TBC1D14: variants seen among roughly 807,000 people sequenced by gnomAD.
TBC1D14 encodes TBC1 domain family, member 14.
In TBC1D14, 26 loss-of-function variants were observed where a neutral mutation model predicts 79.0. The ratio of observed to expected loss-of-function variants is 0.33; its 90% CI spans 0.24 to 0.46. The LOEUF is 0.46. TBC1D14 is among the 20% of genes least tolerant of loss of function. The pLI is 1.00. For synonymous variants in TBC1D14, 394 were observed against 349.9 expected, an observed-to-expected ratio of 1.13 and a Z score of -1.40; for missense variants, 769 against 887.6, an observed-to-expected ratio of 0.87 and a Z score of 1.70.
chr4:6,940,546 C>T (rs906549086), intron 2 of TBC1D14, among the ~76,000 whole-genome samples: 1 of 152,054 alleles, frequency 6.6e-6, no homozygotes. Context: ...GGTTGAGGTT[C>T]TTGCCTGAGG....
chr4:7,021,240 C>T (rs576184890), intron 12 of TBC1D14, among the ~76,000 whole-genome samples: 9 of 152,334 alleles, frequency 5.9e-5, no homozygotes, highest in South Asian at 4.1e-4. Flanking sequence ...GAAACAGATA[C>T]GCAGCTTTTG....
At chr4:7,020,277 A>G (rs986959084) in intron 12 of TBC1D14, among the ~76,000 whole-genome samples, 5 of 152,216 alleles carry the variant, frequency 3.3e-5, no homozygotes, top group Non-Finnish European at 1.5e-5. Context: ...GGGTTTAACT[A>G]AGTTTGAACT....
intron 12 of TBC1D14, among the ~76,000 whole-genome samples, chr4:7,015,493 C>T (rs1721191139): frequency 6.6e-6 from 1 of 152,116 alleles, no homozygotes; most frequent in African/African-American, 2.4e-5. Context: ...CATGTGAGTA[C>T]AGGCATCCTG....
chr4:6,919,152 C>CA (rs1560240720), intron 1 of TBC1D14, among the ~76,000 whole-genome samples: 1 of 145,636 alleles, frequency 6.9e-6, no homozygotes, highest in African/African-American at 2.5e-5. Context: ...GTAATTTCAC[C>CA]TTTTTTTTTT....
chr4:6,932,287 C>T (rs929657405), intron 2 of TBC1D14, among the ~76,000 whole-genome samples: 3 of 151,020 alleles, frequency 2.0e-5, no homozygotes, highest in Non-Finnish European at 2.9e-5. Context: ...TTGAACCATT[C>T]GGGCTTGAAC....
At chr4:6,988,885 CTTTTT>C (rs34268749) in intron 3 of TBC1D14, among the ~76,000 whole-genome samples, 33 of 76,818 alleles carry the variant, frequency 4.3e-4, no homozygotes, top group Admixed American at 1.3e-3. Context: ...TTCTTTCTTT[CTTTTT>C]TTTTTTTTTT....
Position 7,001,150 on chromosome 4 carries a change from G to A in TBC1D14, c.1169G>A (p.Cys390Tyr). 6 of 1,614,016 alleles carry A rather than the reference G, an allele frequency of 3.7e-6. No individual in the cohort carries two copies. The highest frequency in any genetic ancestry group is 5.1e-6 in the Non-Finnish European group (6 of 1,179,914). Reference sequence around the variant, plus strand: ...CTGCTTCTGTTTTTGTCCAGGTGGTGCTCTAGAAAAGTTCGAGATTTATGG... The same window carrying A: ...CTGCTTCTGTTTTTGTCCAGGTGGTACTCTAGAAAAGTTCGAGATTTATGG... ...EILPNWETMWCSRKVRDLWWQ... is the reference protein window; with the variant it reads ...EILPNWETMWYSRKVRDLWWQ... The change falls in exon 7 of 14, where the codon TGC becomes TAC. Residue 390 changes from cysteine (C) to tyrosine (Y), a missense_variant. Physicochemically the swap from Cys to Tyr is radical, Grantham distance 194. This residue lies in a region of TBC1D14 where 367 missense variants were observed against 494.4 expected (regional missense o/e 0.74). Coordinates refer to ENST00000409757, the MANE Select transcript of TBC1D14 (RefSeq NM_020773.3).
chr4:6,926,465 T>C (rs1363413479), intron 2 of TBC1D14, among the ~76,000 whole-genome samples: 1 of 152,250 alleles, frequency 6.6e-6, no homozygotes, highest in Non-Finnish European at 1.5e-5. Context: ...CTCAGCTTTG[T>C]GCTGCAGGAA....
At chr4:6,993,697 G>T (rs974451609) in intron 3 of TBC1D14, among the ~76,000 whole-genome samples, 2 of 152,186 alleles carry the variant, frequency 1.3e-5, no homozygotes, top group African/African-American at 4.8e-5. Flanking sequence ...TAAAGCAATG[G>T]TCTCAGCTTT....
chr4:7,024,747 A>G (rs911219337), intron 12 of TBC1D14, among the ~76,000 whole-genome samples: 6 of 152,174 alleles, frequency 3.9e-5, no homozygotes, highest in Non-Finnish European at 8.8e-5. Context: ...CTCAGCACAT[A>G]TTCCTTGCAG....
chr4:6,963,163 A>G (rs1388261201), intron 2 of TBC1D14, among the ~76,000 whole-genome samples: 1 of 152,258 alleles, frequency 6.6e-6, no homozygotes, highest in Non-Finnish European at 1.5e-5. Context: ...CCCGAGGGCA[A>G]GTGCGAGGAC....
In TBC1D14 at chr4:7,010,600, A is replaced by C. The variant is rs977649905; in HGVS notation, c.1519-53A>C. The C allele has an allele frequency of 8.8e-6, 14 of 1,589,790 alleles. No homozygotes were observed. The African/African-American group carries it at 1.3e-4, about 15-fold the overall frequency. Reference sequence around the variant, plus strand: ...TGTCTTTGCTAAAAATGAACACACTACGGTGACCCTGTGGCCACTGTGATT... The same window carrying C: ...TGTCTTTGCTAAAAATGAACACACTCCGGTGACCCTGTGGCCACTGTGATT... On this transcript the variant is annotated intron_variant, in intron 10 of 13. Transcript: ENST00000409757.
intron 3 of TBC1D14, among the ~76,000 whole-genome samples, chr4:6,975,813 C>A (rs1716667332): frequency 6.6e-6 from 1 of 152,068 alleles, no homozygotes; most frequent in Admixed American, 6.5e-5. Context: ...CCAATCCAGG[C>A]TGGGAGTGGT....
chr4:7,014,153 C>T (rs1242993761), intron 11 of TBC1D14, among the ~76,000 whole-genome samples: 1 of 152,234 alleles, frequency 6.6e-6, no homozygotes, highest in African/African-American at 2.4e-5. Flanking sequence ...TTCCCAGCTT[C>T]ACCACCTACA....
chr4:7,004,943 C>G lies in TBC1D14; in HGVS notation c.1351+19C>G, dbSNP rs374391629. ...AACGAAGGTAGAATGTCTTCTAAAA[C>G]CAGCGGACTGCTGTGGTCAATTATG... On this transcript the variant is annotated intron_variant, in intron 8 of 13. Coordinates refer to ENST00000409757, the MANE Select transcript of TBC1D14 (RefSeq NM_020773.3). 4 of 1,606,678 alleles carry G rather than the reference C, an allele frequency of 2.5e-6. No individual in the cohort carries two copies. In the African/African-American group the frequency reaches 4.0e-5, roughly 16 times the overall value.
chr4:6,980,748 C>G (rs2109096292), intron 3 of TBC1D14, among the ~76,000 whole-genome samples: 1 of 151,672 alleles, frequency 6.6e-6, no homozygotes, highest in Middle Eastern at 3.4e-3. Flanking sequence ...CGGAGTCTCG[C>G]TTTGCCACCC....
chr4:6,979,322 T>C (rs1472620402), intron 3 of TBC1D14, among the ~76,000 whole-genome samples: 1 of 152,184 alleles, frequency 6.6e-6, no homozygotes, highest in Non-Finnish European at 1.5e-5. Flanking sequence ...TCTGACAGAT[T>C]GTCAGAATGG....
intron 2 of TBC1D14, among the ~76,000 whole-genome samples, chr4:6,928,489 C>T (rs1724461732): frequency 6.6e-6 from 1 of 152,122 alleles, no homozygotes; most frequent in East Asian, 1.9e-4. Context: ...CCCCTGCGAT[C>T]GCCAGTGTGT....
At chr4:6,988,885 C>CTTTTT (rs34268749) in intron 3 of TBC1D14, among the ~76,000 whole-genome samples, 1,775 of 76,704 alleles carry the variant, frequency 0.023, 6 homozygotes, top group Non-Finnish European at 0.028. Flanking sequence ...TTCTTTCTTT[C>CTTTTT]TTTTTTTTTT....
Sources: gnomAD v4.1 joint callset for allele counts (sites outside exome capture counted in the v4.1 genomes callset) on GRCh38, gnomAD v4.1.1 for gene constraint, gnomAD v4.1.1 regional missense constraint, MANE v1.5 for transcripts, NCBI Gene and HGNC (gene_info 2026-07-23, HGNC 2026-07-21) for gene names.